Variants in SFMBT2 observed in about 807,000 individuals in gnomAD.
SFMBT2 encodes the protein scm-like with four MBT domains protein 2.
A neutral mutation model predicts 110.1 loss-of-function variants in SFMBT2; 38 were observed. That is an observed-to-expected ratio of 0.35 (90% CI 0.27 to 0.45). The LOEUF is 0.45. Among genes scored for constraint, SFMBT2 ranks in the 20% least tolerant of loss-of-function variants. The pLI is 1.00. For missense variants in SFMBT2, 1,011 were observed against 1,094.9 expected, an observed-to-expected ratio of 0.92 and a Z score of 1.08; for synonymous variants, 425 against 425.4, an observed-to-expected ratio of 1.00 and a Z score of 0.01.
intron 4 of SFMBT2, among the ~76,000 whole-genome samples, chr10:7,350,883 C>T (rs1156385956): frequency 6.6e-6 from 1 of 152,192 alleles, no homozygotes; most frequent in African/African-American, 2.4e-5. Context: ...TTCTGCTTTA[C>T]TATGCAATGG....
chr10:7,358,563 C>A (rs1218406287), intron 4 of SFMBT2, among the ~76,000 whole-genome samples: 1 of 152,070 alleles, frequency 6.6e-6, no homozygotes, highest in Non-Finnish European at 1.5e-5. Flanking sequence ...GGAAGGGAGG[C>A]ATGGTTCTAG....
chr10:7,284,876 T>C (rs1842043914), intron 5 of SFMBT2: 1 of 152,294 alleles, frequency 6.6e-6, no homozygotes, highest in Non-Finnish European at 1.5e-5. Context: ...AAAATTAACA[T>C]AGTGAGACAA....
intron 7 of SFMBT2, among the ~76,000 whole-genome samples, chr10:7,254,227 T>C (rs1840917973): frequency 6.6e-6 from 1 of 152,160 alleles, no homozygotes; most frequent in Non-Finnish European, 1.5e-5. Flanking sequence ...TGTCTTGACA[T>C]CCATTCCGAT....
At chr10:7,336,441 G>A (rs1351005274) in intron 4 of SFMBT2, among the ~76,000 whole-genome samples, 1 of 152,168 alleles carries the variant, frequency 6.6e-6, no homozygotes, top group Non-Finnish European at 1.5e-5. Context: ...CATCATATGA[G>A]CAAATTAAAA....
chr10:7,404,069 C>T (rs968347515), intron 1 of SFMBT2, among the ~76,000 whole-genome samples: 2 of 152,144 alleles, frequency 1.3e-5, no homozygotes, highest in Non-Finnish European at 2.9e-5. Flanking sequence ...ACATGCACCC[C>T]ACACATATGT....
At chr10:7,387,557 G>A (rs945978719) in intron 1 of SFMBT2, among the ~76,000 whole-genome samples, 219 of 152,170 alleles carry the variant, frequency 1.4e-3, no homozygotes, top group African/African-American at 5.0e-3. Flanking sequence ...GAGCTTGGGT[G>A]GGCCGGGGGG....
intron 11 of SFMBT2, among the ~76,000 whole-genome samples, chr10:7,208,830 T>C (rs1839238609): frequency 6.6e-6 from 1 of 152,218 alleles, no homozygotes; most frequent in Admixed American, 6.5e-5. Flanking sequence ...ATGTATACAT[T>C]AGTATATTGC....
chr10:7,238,552 C>T (rs1367516678), intron 9 of SFMBT2, among the ~76,000 whole-genome samples: 1 of 152,102 alleles, frequency 6.6e-6, no homozygotes, highest in Admixed American at 6.5e-5. Flanking sequence ...AAAGAGAATA[C>T]GACTTACGGT....
At position 7,188,718 on chromosome 10, in the gene SFMBT2, T is replaced by C; in HGVS notation, c.1714A>G (p.Ile572Val). 6.2e-7 allele frequency: 1 copy of C among 1,612,640 alleles called. No homozygotes were observed. The highest frequency in any genetic ancestry group is 8.5e-7 in the Non-Finnish European group (1 of 1,179,252). The stretch of plus-strand genomic sequence containing the variant: ...CTTCCAGGCTTGTAGGCTGCGTTGA[T>C]TATCATGCTAAGAACCTTTTGGGGA... Reference protein sequence around the residue: ...LVLKEVLSMIINAAYKPGRVL... With the variant: ...LVLKEVLSMIVNAAYKPGRVL... Residue 572 changes from isoleucine (I) to valine (V), a missense_variant, in exon 16 of 21, where the codon ATC becomes GTC. By Grantham distance (29) the Ile-to-Val change is conservative. Around this residue, in one of 2 missense-constraint regions of SFMBT2, gnomAD observed 979 missense variants for 1,016.1 expected, o/e 0.96. Coordinates refer to ENST00000397167, the MANE Select transcript of SFMBT2 (RefSeq NM_001387889.1).
chr10:7,274,242 T>G (rs1292588504), intron 7 of SFMBT2, among the ~76,000 whole-genome samples: 1 of 152,164 alleles, frequency 6.6e-6, no homozygotes, highest in East Asian at 1.9e-4. Flanking sequence ...ATCCCTGCAC[T>G]TTAGGAAGCC....
intron 4 of SFMBT2, among the ~76,000 whole-genome samples, chr10:7,354,913 C>T (rs1204379820): frequency 3.3e-5 from 5 of 152,112 alleles, no homozygotes; most frequent in African/African-American, 4.8e-5. Context: ...TGCTGATGGG[C>T]CAGCAATGTT....
intron 4 of SFMBT2, among the ~76,000 whole-genome samples, chr10:7,328,760 T>G (rs1439833643): frequency 6.6e-6 from 1 of 152,236 alleles, no homozygotes; most frequent in Non-Finnish European, 1.5e-5. Context: ...AGGTCATCCT[T>G]TCTTTTATGC....
chr10:7,207,795 C>T (rs1300791325), intron 11 of SFMBT2, among the ~76,000 whole-genome samples: 8 of 152,206 alleles, frequency 5.3e-5, no homozygotes, highest in South Asian at 2.1e-4. Context: ...CGTGGGGTCC[C>T]AATTTAGAGT....
intron 20 of SFMBT2, 119 bp from the exon 21 acceptor site, chr10:7,164,029 A>G (rs999361658): frequency 9.2e-6 from 13 of 1,406,978 alleles, no homozygotes; most frequent in African/African-American, 4.4e-5. Flanking sequence ...GTTTCATTCA[A>G]TTCAGGGGAT....
At chr10:7,215,007 C>T (rs1427637459) in intron 11 of SFMBT2, among the ~76,000 whole-genome samples, 2 of 152,198 alleles carry the variant, frequency 1.3e-5, no homozygotes, top group African/African-American at 4.8e-5. Flanking sequence ...GCATTTCTGC[C>T]TCAACTAAAA....
intron 4 of SFMBT2, among the ~76,000 whole-genome samples, chr10:7,360,440 C>T (rs1250077887): frequency 6.6e-6 from 1 of 151,928 alleles, no homozygotes; most frequent in African/African-American, 2.4e-5. Flanking sequence ...ACATTCCAGA[C>T]TGGAAGACAG....
intron 4 of SFMBT2, among the ~76,000 whole-genome samples, chr10:7,291,294 G>C (rs1234559757): frequency 6.6e-6 from 1 of 152,228 alleles, no homozygotes; most frequent in Non-Finnish European, 1.5e-5. Context: ...CTATGTGCTA[G>C]CATTTAAACA....
chr10:7,316,737 G>C (rs1409711943), intron 4 of SFMBT2, among the ~76,000 whole-genome samples: 1 of 152,102 alleles, frequency 6.6e-6, no homozygotes, highest in Non-Finnish European at 1.5e-5. Context: ...TGCCAAGATG[G>C]TCTAGCATGC....
intron 1 of SFMBT2, among the ~76,000 whole-genome samples, chr10:7,388,516 C>A (rs1393725581): frequency 2.0e-5 from 3 of 148,698 alleles, no homozygotes; most frequent in African/African-American, 7.6e-5. Flanking sequence ...CCTGACCATA[C>A]CCAGCTAATT....
Sources: gnomAD v4.1 joint callset for allele counts (sites outside exome capture counted in the v4.1 genomes callset) on GRCh38, gnomAD v4.1.1 for gene constraint, gnomAD v4.1.1 regional missense constraint, MANE v1.5 for transcripts, NCBI Gene and HGNC (gene_info 2026-07-23, HGNC 2026-07-21) for gene names.